The following KCNT2 variants were observed in gnomAD, a reference collection of about 807,000 sequenced individuals.
KCNT2 encodes the protein potassium sodium-activated channel subfamily T member 2, also known as potassium channel subfamily T member 2.
In KCNT2, 67 loss-of-function variants were observed where a neutral mutation model predicts 153.8. The ratio of observed to expected loss-of-function variants is 0.44; its 90% CI spans 0.36 to 0.53. The LOEUF is 0.53. Among genes scored for constraint, KCNT2 ranks in the 20% least tolerant of loss-of-function variants. The pLI is 0.00. For synonymous variants in KCNT2, 500 were observed against 458.8 expected (o/e 1.09, Z -1.15); for missense variants, 975 against 1,354.8 (o/e 0.72, Z 4.40).
rs540719378 is a variant in KCNT2, at chr1:196,512,192, T to C, written c.96-19851A>G. On this transcript the variant is annotated intron_variant, in intron 1 of 27. Transcript: ENST00000294725. Reference sequence around the variant, plus strand: ...TTCCAGGAAACTCCAGAGACTCCATTTTCTTGATTTTCTTCCTACCTTCCA... The same window carrying C: ...TTCCAGGAAACTCCAGAGACTCCATCTTCTTGATTTTCTTCCTACCTTCCA... Among the ~76,000 whole-genome samples, 3 of 152,274 alleles carry C rather than the reference T, an allele frequency of 2.0e-5. No individual in the cohort carries two copies. In the South Asian group the frequency reaches 6.2e-4, roughly 32 times the overall value.
intron 11 of KCNT2, 74 bp from the exon 12 acceptor site, chr1:196,423,187 T>C (rs1005445225): frequency 4.1e-6 from 4 of 976,746 alleles, no homozygotes; most frequent in Non-Finnish European, 6.3e-6. Flanking sequence ...AGAATTTCAG[T>C]CTTGAGTCCA....
chr1:196,298,108 C>T (rs1429455066), intron 22 of KCNT2, among the ~76,000 whole-genome samples: 3 of 152,234 alleles, frequency 2.0e-5, no homozygotes, highest in Non-Finnish European at 2.9e-5. Flanking sequence ...TTTTGTTCTA[C>T]CACTGACTAT....
intron 24 of KCNT2, 72 bp from the exon 25 acceptor site, chr1:196,281,060 T>C (rs1276176535): frequency 8.3e-7 from 1 of 1,211,386 alleles, no homozygotes; most frequent in East Asian, 2.5e-5. Context: ...TTTACATTTC[T>C]TTATTTGCTT....
chr1:196,436,734 G>C (rs115085598), intron 8 of KCNT2, among the ~76,000 whole-genome samples: 1 of 150,866 alleles, frequency 6.6e-6, no homozygotes, highest in Admixed American at 6.6e-5. Context: ...GATAGGCAGA[G>C]ATTTTCTGAT....
chr1:196,542,824 G>A (rs1472225447), intron 1 of KCNT2, among the ~76,000 whole-genome samples: 1 of 152,086 alleles, frequency 6.6e-6, no homozygotes, highest in Non-Finnish European at 1.5e-5. Flanking sequence ...TCTGTTAAAG[G>A]ATGATCAGTA....
At chr1:196,409,203 C>T (rs1672084858) in intron 12 of KCNT2, among the ~76,000 whole-genome samples, 1 of 150,944 alleles carries the variant, frequency 6.6e-6, no homozygotes, top group Admixed American at 6.6e-5. Context: ...AGTATTTGTG[C>T]AGTGTATCAT....
chr1:196,350,878 G>A (rs530923347), intron 14 of KCNT2, among the ~76,000 whole-genome samples: 1 of 152,138 alleles, frequency 6.6e-6, no homozygotes, highest in African/African-American at 2.4e-5. Context: ...ATTAATTTTT[G>A]TATAAGGTGT....
intron 11 of KCNT2, among the ~76,000 whole-genome samples, chr1:196,423,374 T>C (rs1162090855): frequency 6.6e-6 from 1 of 151,946 alleles, no homozygotes; most frequent in Non-Finnish European, 1.5e-5. Flanking sequence ...GTTATTTCTT[T>C]GTATGATTAA....
intron 25 of KCNT2, among the ~76,000 whole-genome samples, chr1:196,278,348 T>C (rs986551227): frequency 1.3e-5 from 2 of 152,180 alleles, no homozygotes; most frequent in African/African-American, 2.4e-5. Flanking sequence ...CTTTCTACAA[T>C]AGGCAGAATT....
rs745541299 is a variant in KCNT2 at position 196,381,458 on chromosome 1, TAA to T, written c.1295-8212_1295-8211del. ...CTAAATAATATTTCTGCTTTCATGC[TAA>T]GTTATATATATATATTATTAAACCT... On this transcript the variant is annotated intron_variant, in intron 13 of 27. Coordinates refer to ENST00000294725, the MANE Select transcript of KCNT2 (RefSeq NM_198503.5). Among the ~76,000 whole-genome samples the T allele has an allele frequency of 1.4e-4, 21 of 151,560 alleles. No individual in the cohort carries two copies. The South Asian group carries it at 1.5e-3, about 10-fold the overall frequency.
At chr1:196,445,805 G>C (rs1171535899) in intron 8 of KCNT2, among the ~76,000 whole-genome samples, 1 of 151,286 alleles carries the variant, frequency 6.6e-6, no homozygotes, top group Non-Finnish European at 1.5e-5. Flanking sequence ...AAGCTGAGCA[G>C]TCCATGAGCA....
At chr1:196,248,148 C>T (rs923018104) in intron 26 of KCNT2, among the ~76,000 whole-genome samples, 2 of 151,734 alleles carry the variant, frequency 1.3e-5, no homozygotes, top group Non-Finnish European at 2.9e-5. Flanking sequence ...ACAATGAAAG[C>T]GGCACTTAGA....
intron 11 of KCNT2, among the ~76,000 whole-genome samples, chr1:196,424,372 T>C (rs1246157087): frequency 1.3e-5 from 2 of 151,932 alleles, no homozygotes; most frequent in Non-Finnish European, 2.9e-5. Context: ...TTAACTATCA[T>C]ACAATAAATT....
At chr1:196,407,815 G>T (rs1671954081) in intron 12 of KCNT2, among the ~76,000 whole-genome samples, 1 of 151,190 alleles carries the variant, frequency 6.6e-6, no homozygotes, top group South Asian at 2.1e-4. Flanking sequence ...CATTTAAGAG[G>T]AAAGTCAGCA....
chr1:196,281,382 T>C (rs1379854363), intron 24 of KCNT2, among the ~76,000 whole-genome samples: 4 of 152,224 alleles, frequency 2.6e-5, no homozygotes, highest in Non-Finnish European at 1.5e-5. Flanking sequence ...ATATGGAAAC[T>C]ATTTTGCATG....
In KCNT2 at chr1:196,371,524, C is replaced by T. The variant is rs536442454; in HGVS notation, c.1403+1616G>A. On this transcript the variant is annotated intron_variant, in intron 14 of 27. Transcript: ENST00000294725. The stretch of plus-strand genomic sequence containing the variant: ...TGTAAGTTTTATTTCAATAAATCTA[C>T]TATAAGAAGTTATTATGGTGGATGA... 2.0e-5 allele frequency among the ~76,000 whole-genome samples: 3 copies of T among 152,088 alleles called. No individual in the cohort carries two copies. The South Asian group carries it at 6.2e-4, about 32-fold the overall frequency.
rs144374725 is a variant in KCNT2 at position 196,579,676 on chromosome 1, A to T, written c.95+28539T>A. Among the ~76,000 whole-genome samples, 735 of 152,052 alleles carry T rather than the reference A, an allele frequency of 4.8e-3. 3 individuals are homozygous for T. The highest frequency in any genetic ancestry group is 0.016 in the African/African-American group (670 of 41,498). The stretch of plus-strand genomic sequence containing the variant: ...CCTGGCTAATTTTTGTATTTATAGT[A>T]GAGAAGGGGTTTCAACATGTTGGCC... On this transcript the variant is annotated intron_variant, in intron 1 of 27. Coordinates refer to ENST00000294725, the MANE Select transcript of KCNT2 (RefSeq NM_198503.5).
intron 4 of KCNT2, among the ~76,000 whole-genome samples, 159 bp downstream of exon 4, chr1:196,482,172 C>G (rs1679070114): frequency 6.6e-6 from 1 of 151,846 alleles, no homozygotes; most frequent in Non-Finnish European, 1.5e-5. Context: ...CTCAGACAAA[C>G]AAGAAAAAAG....
intron 8 of KCNT2, among the ~76,000 whole-genome samples, chr1:196,462,957 T>C (rs1334928092): frequency 3.3e-5 from 5 of 151,720 alleles, no homozygotes; most frequent in Non-Finnish European, 7.4e-5. Context: ...ATAACCAAAT[T>C]CTAGCCTAAA....
Sources: gnomAD v4.1 joint callset for allele counts (sites outside exome capture counted in the v4.1 genomes callset) on GRCh38, gnomAD v4.1.1 for gene constraint, MANE v1.5 for transcripts, NCBI Gene and HGNC (gene_info 2026-07-23, HGNC 2026-07-21) for gene names.